The following CACHD1 variants were observed in gnomAD, a reference collection of about 807,000 sequenced individuals.
CACHD1 encodes cache domain containing 1.
Under a neutral mutation model 138.7 loss-of-function variants are expected in CACHD1, and 71 were observed. That is an observed-to-expected ratio of 0.51 (90% CI 0.42 to 0.62). The LOEUF is 0.62. Among genes scored for constraint, CACHD1 ranks in the 20% least tolerant of loss-of-function variants. CACHD1 has a pLI of 0.00. For missense variants in CACHD1, 1,389 were observed against 1,625.3 expected, an observed-to-expected ratio of 0.85 and a Z score of 2.50; for synonymous variants, 578 against 591.5, an observed-to-expected ratio of 0.98 and a Z score of 0.33.
In CACHD1 at chr1:64,470,812, T is replaced by C. The variant is rs1386790013; in HGVS notation, c.68T>C (p.Leu23Pro). Residue 23 changes from leucine (L) to proline (P), a missense_variant, in exon 1 of 27, where the codon CTC becomes CCC. By Grantham distance (98) the Leu-to-Pro change is moderately conservative (BLOSUM62 -3). Transcript: ENST00000651257. This position sits in a 1 kb window ranked among gnomAD's most constrained non-coding sequence, Gnocchi z 5.2. ...GCGCGGCGGCCGCCCCTCTGGCTGC[T>C]CTGCCTGGTCGCGTGCTGGCTCCTG... ...ARARRPPLWL[L>P]CLVACWLLGA... 2 of 1,441,554 alleles carry C rather than the reference T, an allele frequency of 1.4e-6. No individual in the cohort carries two copies. The highest frequency in any genetic ancestry group is 1.9e-6 in the Non-Finnish European group (2 of 1,055,908). The allele number at this position is 1,441,554 out of a possible 1,614,324, so 89.3% of individuals were successfully genotyped here. A position where few individuals can be genotyped will look rare whatever the true frequency, so the allele number is the denominator to read the frequency against.
chr1:64,642,990 G>C (rs925340063), intron 8 of CACHD1, among the ~76,000 whole-genome samples: 5 of 133,586 alleles, frequency 3.7e-5, no homozygotes, highest in Admixed American at 8.8e-5. Flanking sequence ...AGTGAGCTGA[G>C]ATTGCAGCAC....
chr1:64,598,902 T>C (rs1450132100), intron 3 of CACHD1, among the ~76,000 whole-genome samples: 1 of 148,518 alleles, frequency 6.7e-6, no homozygotes, highest in Non-Finnish European at 1.5e-5. Flanking sequence ...GGAATATGAT[T>C]AGATATATTA....
intron 1 of CACHD1, among the ~76,000 whole-genome samples, chr1:64,486,958 T>C (rs1646246769): frequency 6.6e-6 from 1 of 152,040 alleles, no homozygotes; most frequent in Non-Finnish European, 1.5e-5. Context: ...AGTGGAGGCA[T>C]GAATGATGAT....
intron 26 of CACHD1, among the ~76,000 whole-genome samples, chr1:64,686,016 G>A (rs35512961): frequency 0.025 from 3,767 of 152,170 alleles, 52 homozygotes; most frequent in African/African-American, 0.036. Flanking sequence ...GTATTCATAT[G>A]CTTGATAAAA....
chr1:64,682,792 T>C (rs1650235790), intron 26 of CACHD1, among the ~76,000 whole-genome samples: 1 of 152,104 alleles, frequency 6.6e-6, no homozygotes, highest in African/African-American at 2.4e-5. Flanking sequence ...TCCATATCGC[T>C]CATTGTTGCA....
intron 2 of CACHD1, among the ~76,000 whole-genome samples, chr1:64,557,343 T>A (rs572040539): frequency 6.6e-6 from 1 of 152,296 alleles, no homozygotes; most frequent in East Asian, 1.9e-4. Context: ...AGTTTACTCT[T>A]AACTTTTTCT....
intron 3 of CACHD1, among the ~76,000 whole-genome samples, chr1:64,583,158 C>T (rs368120159): frequency 6.6e-6 from 1 of 152,164 alleles, no homozygotes; most frequent in Non-Finnish European, 1.5e-5. Context: ...TTAAATGATG[C>T]TTTGTTTCCA....
At chr1:64,483,383 T>C (rs1283452041) in intron 1 of CACHD1, among the ~76,000 whole-genome samples, 1 of 152,184 alleles carries the variant, frequency 6.6e-6, no homozygotes, top group Non-Finnish European at 1.5e-5. Flanking sequence ...TGCCAGGTAT[T>C]ATGCTTGGAT....
intron 1 of CACHD1, among the ~76,000 whole-genome samples, chr1:64,497,485 G>T (rs1379675222): frequency 6.6e-6 from 1 of 152,110 alleles, no homozygotes; most frequent in Non-Finnish European, 1.5e-5. Flanking sequence ...TAACCAGAAA[G>T]AATTAGGAGA....
chr1:64,591,994 T>C (rs1159256228), intron 3 of CACHD1, among the ~76,000 whole-genome samples: 1 of 152,238 alleles, frequency 6.6e-6, no homozygotes, highest in Non-Finnish European at 1.5e-5. Context: ...CAAAACTGAC[T>C]TTGTTTTTAG....
chr1:64,569,267 AAAAT>A (rs1238264745), intron 2 of CACHD1, among the ~76,000 whole-genome samples: 1 of 152,230 alleles, frequency 6.6e-6, no homozygotes, highest in Admixed American at 6.5e-5. Context: ...TACAAATAAA[AAAAT>A]AAACACACAC....
chr1:64,529,763 T>C (rs942330559), intron 1 of CACHD1, among the ~76,000 whole-genome samples: 6 of 152,204 alleles, frequency 3.9e-5, no homozygotes, highest in South Asian at 2.1e-4. Flanking sequence ...TTTGACCCTA[T>C]GTTATGTTTT....
chr1:64,535,923 C>T (rs74082825), intron 1 of CACHD1, among the ~76,000 whole-genome samples: 3,564 of 152,142 alleles, frequency 0.023, 138 homozygotes, highest in African/African-American at 0.081. Context: ...ACCACCTTTG[C>T]GTCAGAAATC....
chr1:64,481,758 C>T (rs539191266), intron 1 of CACHD1, among the ~76,000 whole-genome samples: 21 of 152,204 alleles, frequency 1.4e-4, no homozygotes, highest in Admixed American at 3.3e-4. Flanking sequence ...ATATGGTGGC[C>T]AACTTTTCTT....
intron 10 of CACHD1, 30 bp downstream of exon 10, chr1:64,652,340 A>C (rs751518093): frequency 3.8e-6 from 6 of 1,565,132 alleles, no homozygotes; most frequent in Non-Finnish European, 5.2e-6. Flanking sequence ...TCCTAAGAAT[A>C]CTTTTTTAGA....
chr1:64,631,098 A>G (rs907884946), intron 5 of CACHD1, among the ~76,000 whole-genome samples: 1 of 152,216 alleles, frequency 6.6e-6, no homozygotes, highest in Non-Finnish European at 1.5e-5. Context: ...ACTGCCCCCC[A>G]GTTTGTACAT....
chr1:64,597,524 GTTTTTTTTTTT>G (rs34162933), intron 3 of CACHD1, among the ~76,000 whole-genome samples: 2 of 80,400 alleles, frequency 2.5e-5, no homozygotes, highest in African/African-American at 9.5e-5. Flanking sequence ...TTTTTTTGTT[GTTTTTTTTTTT>G]TTTTTTTTTT....
intron 3 of CACHD1, among the ~76,000 whole-genome samples, chr1:64,588,742 C>T (rs1647073190): frequency 6.6e-6 from 1 of 152,110 alleles, no homozygotes; most frequent in Non-Finnish European, 1.5e-5. Flanking sequence ...CCAATTTCTT[C>T]TATAGACGTT....
At chr1:64,573,107 G>A (rs1056176032) in intron 2 of CACHD1, among the ~76,000 whole-genome samples, 1 of 152,172 alleles carries the variant, frequency 6.6e-6, no homozygotes, top group African/African-American at 2.4e-5. Flanking sequence ...GAATGTTTGT[G>A]TCTTCCCCAA....
Sources: allele counts gnomAD v4.1 joint callset (sites outside exome capture counted in the v4.1 genomes callset), GRCh38; gene constraint gnomAD v4.1.1; non-coding constraint Gnocchi (gnomAD v3.1); transcripts MANE v1.5; gene names NCBI Gene and HGNC (gene_info 2026-07-23, HGNC 2026-07-21).